The following VSTM2B variants were observed in gnomAD, a reference collection of about 807,000 sequenced individuals.
VSTM2B encodes the protein V-set and transmembrane domain containing 2B, also known as V-set and transmembrane domain-containing protein 2B.
Under a neutral mutation model 24.0 loss-of-function variants are expected in VSTM2B, and 24 were observed. The observed-to-expected ratio is 1.00, with a 90% CI of 0.72 to 1.40. The LOEUF is 1.40. Among genes scored for constraint, VSTM2B ranks in the 40% most tolerant of loss-of-function variants. The pLI is 0.00. For synonymous variants in VSTM2B, 226 were observed against 194.4 expected (o/e 1.16, Z -1.35); for missense variants, 399 against 416.4 (o/e 0.96, Z 0.36).
chr19:29,550,374 G>A (rs761076152), intron 4 of VSTM2B, among the ~76,000 whole-genome samples: 44 of 152,234 alleles, frequency 2.9e-4, no homozygotes, highest in African/African-American at 4.8e-5. Flanking sequence ...GTTGGCTGCA[G>A]TGAGCTATGA....
At chr19:29,563,261 T>G (rs1231650606) in intron 4 of VSTM2B, among the ~76,000 whole-genome samples, 5 of 150,894 alleles carry the variant, frequency 3.3e-5, no homozygotes, top group Admixed American at 6.6e-5. Context: ...TTTTTTTTTT[T>G]TCTTTTTTTG....
At chr19:29,530,438 C>T (rs1969724677) in intron 4 of VSTM2B, 148 bp downstream of exon 4, 1 of 641,046 alleles carries the variant, frequency 1.6e-6, no homozygotes, top group South Asian at 2.6e-5. Flanking sequence ...CGGGAGCGCC[C>T]CCCCCAGGGC....
intron 4 of VSTM2B, among the ~76,000 whole-genome samples, chr19:29,542,758 G>T (rs1264195313): frequency 6.6e-6 from 1 of 152,160 alleles, no homozygotes; most frequent in East Asian, 1.9e-4. Context: ...GGTAGATTTG[G>T]GATACAAGTT....
chr19:29,528,791 A>G (rs1159739403), intron 3 of VSTM2B, among the ~76,000 whole-genome samples: 1 of 152,190 alleles, frequency 6.6e-6, no homozygotes, highest in East Asian at 1.9e-4. Context: ...CATTCCTCCT[A>G]GCACCGGGAG....
intron 4 of VSTM2B, among the ~76,000 whole-genome samples, chr19:29,552,694 C>T (rs1177258778): frequency 6.6e-6 from 1 of 152,218 alleles, no homozygotes; most frequent in Admixed American, 6.5e-5. Flanking sequence ...ACTGAGGCTG[C>T]CTGCTGCCTA....
intron 4 of VSTM2B, among the ~76,000 whole-genome samples, chr19:29,536,170 C>A (rs1219539421): frequency 6.6e-6 from 1 of 152,224 alleles, no homozygotes; most frequent in Non-Finnish European, 1.5e-5. Context: ...CAGCCCCACG[C>A]TTGCCATAAG....
chr19:29,545,719 T>A (rs1285024673), intron 4 of VSTM2B, among the ~76,000 whole-genome samples: 1 of 152,220 alleles, frequency 6.6e-6, no homozygotes, highest in Non-Finnish European at 1.5e-5. Flanking sequence ...ATTTTCTTTA[T>A]CCAGCCCACC....
At chr19:29,555,801 ACT>A in intron 4 of VSTM2B, among the ~76,000 whole-genome samples, 1 of 152,204 alleles carries the variant, frequency 6.6e-6, no homozygotes, top group Non-Finnish European at 1.5e-5. Context: ...TAAACTAAAA[ACT>A]CTATAAGAAA....
At chr19:29,534,578 T>A (rs1208205839) in intron 4 of VSTM2B, among the ~76,000 whole-genome samples, 1 of 152,038 alleles carries the variant, frequency 6.6e-6, no homozygotes, top group Non-Finnish European at 1.5e-5. Flanking sequence ...TAGCTGGGTG[T>A]GGTGGCAGGC....
At chr19:29,536,764 C>G (rs374203593) in intron 4 of VSTM2B, among the ~76,000 whole-genome samples, 3 of 152,116 alleles carry the variant, frequency 2.0e-5, no homozygotes, top group Admixed American at 6.5e-5. Flanking sequence ...TAAATGTCAC[C>G]GGGAACTAAC....
intron 4 of VSTM2B, among the ~76,000 whole-genome samples, chr19:29,550,439 GTCAA>G (rs1003132928): frequency 1.4e-4 from 21 of 152,096 alleles, no homozygotes; most frequent in Non-Finnish European, 5.9e-5. Flanking sequence ...CAATCAATCA[GTCAA>G]TCAATCAATG....
chr19:29,541,799 G>A (rs1008756488), intron 4 of VSTM2B, among the ~76,000 whole-genome samples: 1 of 151,844 alleles, frequency 6.6e-6, no homozygotes, highest in African/African-American at 2.4e-5. Flanking sequence ...ATAAATGAAT[G>A]GGTGAATGAG....
At chr19:29,535,878 C>CT (rs753258322) in intron 4 of VSTM2B, among the ~76,000 whole-genome samples, 1 of 152,104 alleles carries the variant, frequency 6.6e-6, no homozygotes, top group Non-Finnish European at 1.5e-5. Context: ...CCCAAAGGCC[C>CT]TCACCTTAAA....
intron 4 of VSTM2B, among the ~76,000 whole-genome samples, chr19:29,559,112 GTATATAC>G (rs1970475339): frequency 6.6e-6 from 1 of 152,130 alleles, no homozygotes. Flanking sequence ...TCATTACTGG[GTATATAC>G]CCAAAGGATT....
intron 4 of VSTM2B, among the ~76,000 whole-genome samples, chr19:29,555,420 A>G (rs1003421358): frequency 6.6e-6 from 1 of 152,202 alleles, no homozygotes; most frequent in Non-Finnish European, 1.5e-5. Flanking sequence ...TAAGAGGGAA[A>G]ATTATAGCAC....
chr19:29,530,656 C>T (rs891158362), intron 4 of VSTM2B, among the ~76,000 whole-genome samples: 3 of 152,126 alleles, frequency 2.0e-5, no homozygotes, highest in Non-Finnish European at 4.4e-5. Flanking sequence ...TCAGCCACCA[C>T]CGGTGGTGGA....
At chr19:29,561,030 G>A (rs899380446) in intron 4 of VSTM2B, among the ~76,000 whole-genome samples, 7 of 152,152 alleles carry the variant, frequency 4.6e-5, no homozygotes, top group South Asian at 2.1e-4. Context: ...CAGAGCCAGG[G>A]GCCAGGCACA....
chr19:29,545,101 G>C (rs1053830344), intron 4 of VSTM2B, among the ~76,000 whole-genome samples: 1 of 152,040 alleles, frequency 6.6e-6, no homozygotes, highest in East Asian at 1.9e-4. Flanking sequence ...CTGGGTCAGC[G>C]AGGGCCCAAT....
intron 4 of VSTM2B, among the ~76,000 whole-genome samples, chr19:29,540,177 G>T (rs541655518): frequency 1.3e-5 from 2 of 152,380 alleles, no homozygotes; most frequent in East Asian, 1.9e-4. Context: ...CAGTCCGAGT[G>T]GGGGGTGGGG....
Sources: gnomAD v4.1 joint callset for allele counts (sites outside exome capture counted in the v4.1 genomes callset) on GRCh38, gnomAD v4.1.1 for gene constraint, MANE v1.5 for transcripts, NCBI Gene and HGNC (gene_info 2026-07-23, HGNC 2026-07-21) for gene names.